DCLK1: variants seen among roughly 807,000 people sequenced by gnomAD.
The protein encoded by DCLK1 is serine/threonine-protein kinase DCLK1.
A neutral mutation model predicts 86.2 loss-of-function variants in DCLK1; 16 were observed. The ratio of observed to expected loss-of-function variants is 0.19; its 90% confidence interval spans 0.13 to 0.28. The LOEUF is 0.28. Among genes scored for constraint, DCLK1 ranks in the 10% least tolerant of loss-of-function variants. The probability of loss-of-function intolerance (pLI) is 1.00; values close to 1 mark genes in which losing one functional copy is unlikely to be tolerated. For synonymous variants in DCLK1, 369 were observed against 370.5 expected (o/e 1.00, Z 0.05); for missense variants, 590 against 940.2 (o/e 0.63, Z 4.87).
intron 15 of DCLK1, among the ~76,000 whole-genome samples, chr13:35,800,729 G>A (rs2086901927): frequency 6.6e-6 from 1 of 151,632 alleles, no homozygotes; most frequent in Non-Finnish European, 1.5e-5. Flanking sequence ...TTGTTTGTTT[G>A]TTTTTTGAGA....
chr13:35,860,385 G>A (rs1871312816), intron 5 of DCLK1, among the ~76,000 whole-genome samples: 1 of 152,168 alleles, frequency 6.6e-6, no homozygotes, highest in East Asian at 1.9e-4. Context: ...GAGGGAAGAA[G>A]ACGTACTTTT....
chr13:35,825,137 C>T (rs1259012797), intron 10 of DCLK1, among the ~76,000 whole-genome samples: 2 of 152,198 alleles, frequency 1.3e-5, no homozygotes, highest in Non-Finnish European at 2.9e-5. Flanking sequence ...CCGTCCGGAA[C>T]ATGAGCCTTG....
At chr13:35,868,047 G>A (rs2153114027) in intron 5 of DCLK1, among the ~76,000 whole-genome samples, 1 of 140,632 alleles carries the variant, frequency 7.1e-6, no homozygotes, top group African/African-American at 2.7e-5. Context: ...TTTTGAGATG[G>A]AGTCTTGCTC....
chr13:35,868,636 C>T (rs191310324), intron 5 of DCLK1, among the ~76,000 whole-genome samples: 191 of 152,096 alleles, frequency 1.3e-3, no homozygotes, highest in African/African-American at 4.2e-3. Context: ...CTAATTGATA[C>T]GGTTTCATTA....
intron 4 of DCLK1, among the ~76,000 whole-genome samples, chr13:35,940,723 G>A (rs1249141054): frequency 1.3e-5 from 2 of 152,312 alleles, no homozygotes; most frequent in Non-Finnish European, 2.9e-5. Flanking sequence ...CCAGAGAAGA[G>A]TGGATATCTT....
At chr13:36,111,359 C>T (rs893209128) in intron 3 of DCLK1, among the ~76,000 whole-genome samples, 9 of 152,100 alleles carry the variant, frequency 5.9e-5, no homozygotes, top group African/African-American at 1.9e-4. Flanking sequence ...TAGAAATATG[C>T]CTTTAAAGCT....
rs749567335 is a variant in DCLK1 at position 35,918,892 on chromosome 13, G to GTTTTTTTTT, written c.823+28457_823+28465dup. The stretch of plus-strand genomic sequence containing the variant: ...AAAAAGAAATCTTCCTTCTGAGTGT[G>GTTTTTTTTT]TTTTTTTTTTTTTTTTTGGAAACGG... On this transcript the variant is annotated intron_variant, in intron 4 of 16. Transcript: ENST00000360631. 2.1e-4 allele frequency among the ~76,000 whole-genome samples: 16 copies of GTTTTTTTTT among 76,298 alleles called. 2 individuals are homozygous for GTTTTTTTTT. Among genetic ancestry groups the GTTTTTTTTT allele is most frequent in the Middle Eastern group, 0.027 (2 of 74 alleles). The allele number at this position is 76,298 out of a possible 152,430, so 50.1% of individuals were successfully genotyped here. A position where few individuals can be genotyped will look rare whatever the true frequency, so the allele number is the denominator to read the frequency against.
intron 16 of DCLK1, among the ~76,000 whole-genome samples, chr13:35,790,459 C>T (rs2086691875): frequency 1.3e-5 from 2 of 152,136 alleles, no homozygotes; most frequent in African/African-American, 4.8e-5. Flanking sequence ...CAAACTAACA[C>T]TATGTCCTAA....
rs1020234447 is a variant in DCLK1, at chr13:36,072,307, A to T, written c.723+39562T>A. Among the ~76,000 whole-genome samples, 16 of 152,258 alleles carry T rather than the reference A, an allele frequency of 1.1e-4. No homozygotes were observed. In the East Asian group the frequency reaches 3.1e-3, roughly 29 times the overall value. On this transcript the variant is annotated intron_variant, in intron 3 of 16. Transcript: ENST00000360631. Reference sequence around the variant, plus strand: ...CAGGGCATGCCATTCTGCTGACTTGATTCCTATCTAACCAGTCACTCCTTT... The same window carrying T: ...CAGGGCATGCCATTCTGCTGACTTGTTTCCTATCTAACCAGTCACTCCTTT...
chr13:35,934,429 A>G (rs1876639407), intron 4 of DCLK1, among the ~76,000 whole-genome samples: 1 of 152,228 alleles, frequency 6.6e-6, no homozygotes, highest in Non-Finnish European at 1.5e-5. Flanking sequence ...ACAGTTCCAC[A>G]TCGCTGGGGA....
At chr13:35,855,343 A>G (rs563834634) in intron 5 of DCLK1, among the ~76,000 whole-genome samples, 1 of 152,382 alleles carries the variant, frequency 6.6e-6, no homozygotes, top group Non-Finnish European at 1.5e-5. Context: ...TGAAACACTT[A>G]AAGACATGGT....
intron 3 of DCLK1, among the ~76,000 whole-genome samples, chr13:36,093,567 C>T (rs896539910): frequency 1.3e-5 from 2 of 152,096 alleles, no homozygotes; most frequent in African/African-American, 4.8e-5. Flanking sequence ...AGCAAAGTAC[C>T]ATGCTAGAGA....
intron 6 of DCLK1, among the ~76,000 whole-genome samples, chr13:35,853,497 C>G (rs1279719593): frequency 6.6e-6 from 1 of 152,194 alleles, no homozygotes; most frequent in Non-Finnish European, 1.5e-5. Flanking sequence ...CCGCCCCGCA[C>G]TCTTAGACGT....
chr13:35,932,683 A>G (rs1876523062), intron 4 of DCLK1, among the ~76,000 whole-genome samples: 1 of 152,220 alleles, frequency 6.6e-6, no homozygotes, highest in African/African-American at 2.4e-5. Context: ...CCATGAGAAC[A>G]GTATGTGGGA....
At chr13:36,050,415 G>A (rs1883080909) in intron 3 of DCLK1, among the ~76,000 whole-genome samples, 1 of 152,064 alleles carries the variant, frequency 6.6e-6, no homozygotes, top group South Asian at 2.1e-4. Flanking sequence ...TAAATTCTTG[G>A]TGGACTTGAA....
At chr13:36,130,648 C>G (rs1045741889) in intron 1 of DCLK1, among the ~76,000 whole-genome samples, 1 of 152,108 alleles carries the variant, frequency 6.6e-6, no homozygotes, top group Non-Finnish European at 1.5e-5. Context: ...ACGCACGAAT[C>G]GACCCCATCC....
At chr13:35,921,863 TG>T (rs1217459168) in intron 4 of DCLK1, among the ~76,000 whole-genome samples, 2 of 152,114 alleles carry the variant, frequency 1.3e-5, no homozygotes, top group Non-Finnish European at 2.9e-5. Context: ...GAGATAAAGT[TG>T]CCACCCCAGG....
chr13:36,037,498 T>G (rs2153154467), intron 3 of DCLK1, among the ~76,000 whole-genome samples: 1 of 152,218 alleles, frequency 6.6e-6, no homozygotes, highest in African/African-American at 2.4e-5. Flanking sequence ...TTTTGTTTTG[T>G]TTTGAGATGG....
At chr13:35,855,799 C>A in intron 5 of DCLK1, 1 of 1,258,630 alleles carries the variant, frequency 7.9e-7, no homozygotes, top group East Asian at 2.8e-5. Flanking sequence ...ACCCCCATCC[C>A]GACACCACTC....
Sources: allele counts gnomAD v4.1 joint callset (sites outside exome capture counted in the v4.1 genomes callset), GRCh38; gene constraint gnomAD v4.1.1; transcripts MANE v1.5; gene names NCBI Gene and HGNC (gene_info 2026-07-23, HGNC 2026-07-21).